The following NALCN variants were observed in gnomAD, a reference collection of about 807,000 sequenced individuals.
NALCN encodes sodium leak channel NALCN.
In NALCN, 111 loss-of-function variants were observed where a neutral mutation model predicts 225.3. The observed-to-expected ratio is 0.49, with a 90% CI of 0.42 to 0.58. The LOEUF is 0.58. Ranked by LOEUF, NALCN falls within the 20% of genes least tolerant of loss-of-function variation. NALCN has a pLI of 0.00. For missense variants in NALCN, 1,378 were observed against 2,202.4 expected (o/e 0.63, Z 7.49); for synonymous variants, 764 against 769.0 (o/e 0.99, Z 0.11).
intron 17 of NALCN, among the ~76,000 whole-genome samples, chr13:101,135,350 T>C (rs2036731169): frequency 1.3e-5 from 2 of 152,250 alleles, no homozygotes; most frequent in Non-Finnish European, 2.9e-5. Flanking sequence ...CTTGTGATTC[T>C]AGAGTAAATG....
chr13:101,103,315 T>C lies in NALCN; in HGVS notation c.2914A>G (p.Met972Val). 2 of 1,612,246 alleles carry C rather than the reference T, an allele frequency of 1.2e-6. No individual in the cohort carries two copies. The highest frequency in any genetic ancestry group is 1.7e-6 in the Non-Finnish European group (2 of 1,179,422). The change falls in exon 26 of 44, where the codon ATG becomes GTG. Residue 972 changes from methionine to valine, a missense_variant. Coordinates refer to ENST00000251127, the MANE Select transcript of NALCN (RefSeq NM_052867.4). The stretch of plus-strand genomic sequence containing the variant: ...GATTCAGCAGGTACATTTTGAGGCA[T>C]CCAACAAAGAAATATCAAGCTCACC... Reference protein sequence around the residue: ...YLVSLIFLCWMPQNVPAESGA... With the variant: ...YLVSLIFLCWVPQNVPAESGA...
intron 6 of NALCN, among the ~76,000 whole-genome samples, chr13:101,357,131 C>A (rs2046087923): frequency 6.6e-6 from 1 of 152,138 alleles, no homozygotes; most frequent in Non-Finnish European, 1.5e-5. Context: ...TGGCACAAGA[C>A]AAGGATGCCC....
chr13:101,398,985 CA>C (rs2047390947), intron 2 of NALCN, 33 bp downstream of exon 2: 3 of 1,298,950 alleles, frequency 2.3e-6, no homozygotes, highest in Non-Finnish European at 3.4e-6. Flanking sequence ...CTCACATCCA[CA>C]TATGCTTCTC....
chr13:101,139,812 TA>T (rs555700980), intron 17 of NALCN, among the ~76,000 whole-genome samples: 1 of 152,098 alleles, frequency 6.6e-6, no homozygotes, highest in Non-Finnish European at 1.5e-5. Context: ...GGTTTCTTAA[TA>T]AAAATGAAAA....
At position 101,104,662 on chromosome 13, in the gene NALCN, C is replaced by G. The variant is rs745633599; in HGVS notation, c.2637-12G>C. Reference sequence around the variant, plus strand: ...ATCCCAGCAAATCACTGCCAAAGACCAAACAAAATTGAGAAACATAAAGGT... The same window carrying G: ...ATCCCAGCAAATCACTGCCAAAGACGAAACAAAATTGAGAAACATAAAGGT... On this transcript the variant is annotated splice_polypyrimidine_tract_variant and intron_variant, in intron 23 of 43. Transcript: ENST00000251127. This position sits in a 1 kb window ranked among gnomAD's most constrained non-coding sequence, Gnocchi z 4.2. 6.2e-7 allele frequency: 1 copy of G among 1,613,482 alleles called. No individual in the cohort carries two copies. The highest frequency in any genetic ancestry group is 8.5e-7 in the Non-Finnish European group (1 of 1,179,722).
chr13:101,280,880 C>CTTTT (rs201201516), intron 10 of NALCN, among the ~76,000 whole-genome samples: 2 of 108,124 alleles, frequency 1.8e-5, no homozygotes, highest in Non-Finnish European at 3.7e-5. Context: ...TTCTCTCTCT[C>CTTTT]TCTTTTTTTT....
intron 14 of NALCN, among the ~76,000 whole-genome samples, chr13:101,189,393 C>T (rs927158580): frequency 6.6e-6 from 1 of 152,120 alleles, no homozygotes; most frequent in Admixed American, 6.6e-5. Context: ...TAATATATGG[C>T]TTTAAATGCA....
At chr13:101,319,558 T>C (rs11839483) in intron 7 of NALCN, among the ~76,000 whole-genome samples, 7,221 of 152,276 alleles carry the variant, frequency 0.047, 561 homozygotes, top group African/African-American at 0.16. Context: ...TTTTAGAAGA[T>C]ACGTAAACCA....
intron 34 of NALCN, among the ~76,000 whole-genome samples, chr13:101,077,093 ACTT>A: frequency 6.6e-6 from 1 of 152,196 alleles, no homozygotes; most frequent in South Asian, 2.1e-4. Context: ...GGTCACTCAT[ACTT>A]CTTCCTGCCA....
In NALCN at chr13:101,097,935, T is replaced by G. The variant is rs995206075; in HGVS notation, c.3163-2255A>C. On this transcript the variant is annotated intron_variant, in intron 27 of 43. Coordinates refer to ENST00000251127, the MANE Select transcript of NALCN (RefSeq NM_052867.4). Reference sequence around the variant, plus strand: ...TAATCTAATCTTCATAATATCATTGTGTGAGAAGCATTCAAGGCAGAAATA... The same window carrying G: ...TAATCTAATCTTCATAATATCATTGGGTGAGAAGCATTCAAGGCAGAAATA... Among the ~76,000 whole-genome samples, 5 of 152,206 alleles carry G rather than the reference T, an allele frequency of 3.3e-5. No individual in the cohort carries two copies. In the South Asian group the frequency reaches 6.2e-4, roughly 19 times the overall value.
In NALCN at chr13:101,229,402, C is replaced by T. The variant is rs773153499; in HGVS notation, c.1617G>A (p.Thr539=). 285 of 1,558,824 alleles carry T rather than the reference C, an allele frequency of 1.8e-4. No individual in the cohort carries two copies. Among genetic ancestry groups the T allele is most frequent in the African/African-American group, 1.8e-4 (13 of 72,462 alleles). ...CFVEELDRFT[T]FPRAFMSMFQ... is the part of the protein sequence containing the mutation. ...TTTTTAAAACTCTTACCCTCGGAAA[C>T]GTAGTAAATCTGTCCAGTTCTTCGA... The change falls in exon 13 of 44, where the codon ACG becomes ACA. Residue 539 remains threonine, a synonymous_variant. Coordinates refer to ENST00000251127, the MANE Select transcript of NALCN (RefSeq NM_052867.4).
intron 14 of NALCN, among the ~76,000 whole-genome samples, chr13:101,187,980 T>C (rs2039517818): frequency 6.6e-6 from 1 of 152,214 alleles, no homozygotes; most frequent in African/African-American, 2.4e-5. Context: ...ATTTGGTATC[T>C]GGGCTTGCAG....
At position 101,397,473 on chromosome 13, in the gene NALCN, T is replaced by C. The variant is rs112686540; in HGVS notation, c.108+1546A>G. ...TATAAATATATGTACACATTATACATACATATAATATATATGTATATGCAT... is the reference window on the plus strand; with the variant it reads ...TATAAATATATGTACACATTATACACACATATAATATATATGTATATGCAT... On this transcript the variant is annotated intron_variant, in intron 2 of 43. Coordinates refer to ENST00000251127, the MANE Select transcript of NALCN (RefSeq NM_052867.4). 1.7e-4 allele frequency among the ~76,000 whole-genome samples: 26 copies of C among 151,152 alleles called. 1 individual carries two copies. Among genetic ancestry groups the C allele is most frequent in the African/African-American group, 5.8e-4 (24 of 41,294 alleles).
chr13:101,303,579 C>G (rs1415133390), intron 7 of NALCN, among the ~76,000 whole-genome samples: 3 of 152,118 alleles, frequency 2.0e-5, no homozygotes, highest in Non-Finnish European at 1.5e-5. Flanking sequence ...AGACAACATA[C>G]TTAGAATAGT....
intron 7 of NALCN, among the ~76,000 whole-genome samples, chr13:101,338,659 T>C (rs989986197): frequency 2.0e-5 from 3 of 152,236 alleles, no homozygotes; most frequent in African/African-American, 7.2e-5. Flanking sequence ...TGGTATATTT[T>C]GTGTTGCTTT....
chr13:101,346,087 CTATATATATA>C (rs71121188), intron 6 of NALCN, among the ~76,000 whole-genome samples: 2 of 70,936 alleles, frequency 2.8e-5, no homozygotes, highest in Non-Finnish European at 5.3e-5. Flanking sequence ...CTCTCTCTCT[CTATATATATA>C]TATATATATA....
chr13:101,220,444 T>C (rs1203439147), intron 13 of NALCN, among the ~76,000 whole-genome samples: 1 of 152,242 alleles, frequency 6.6e-6, no homozygotes, highest in African/African-American at 2.4e-5. Context: ...TTTATTTGAT[T>C]AGGGATGATA....
chr13:101,060,268 G>GT (rs1448927684), intron 41 of NALCN, among the ~76,000 whole-genome samples: 2 of 68,384 alleles, frequency 2.9e-5, no homozygotes, highest in African/African-American at 6.2e-5. Context: ...TGTTGTTGGT[G>GT]TTTTCTGTTT....
chr13:101,059,570 AC>A (rs1264304940), intron 42 of NALCN, among the ~76,000 whole-genome samples: 1 of 152,054 alleles, frequency 6.6e-6, no homozygotes, highest in Non-Finnish European at 1.5e-5. Flanking sequence ...CAGGGCATTC[AC>A]TTTTTTTGGC....
Sources: gnomAD v4.1 joint callset for allele counts (sites outside exome capture counted in the v4.1 genomes callset) on GRCh38, gnomAD v4.1.1 for gene constraint, Gnocchi (gnomAD v3.1) non-coding constraint, MANE v1.5 for transcripts, NCBI Gene and HGNC (gene_info 2026-07-23, HGNC 2026-07-21) for gene names.